CNTN6: variants seen among roughly 807,000 people sequenced by gnomAD.
The protein encoded by CNTN6 is contactin-6.
CNTN6 carries 137 observed loss-of-function variants against 122.8 expected under a neutral mutation model. The observed-to-expected ratio is 1.12, with a 90% CI of 0.97 to 1.29. The LOEUF (loss-of-function observed/expected upper bound fraction) is 1.29. Among genes scored for constraint, CNTN6 ranks in the 50% most tolerant of loss-of-function variants. CNTN6 has a pLI of 0.00. For synonymous variants in CNTN6, 570 were observed against 426.0 expected, an observed-to-expected ratio of 1.34 and a Z score of -4.16; for missense variants, 1,634 against 1,223.4, an observed-to-expected ratio of 1.34 and a Z score of -5.01.
chr3:1,275,485 T>C (rs1692172445), intron 4 of CNTN6, among the ~76,000 whole-genome samples: 1 of 152,216 alleles, frequency 6.6e-6, no homozygotes, highest in Non-Finnish European at 1.5e-5. Flanking sequence ...GTTCTCTACC[T>C]CTAAATATGG....
At position 1,372,356 on chromosome 3, in the gene CNTN6, T is replaced by G. The variant is rs1230700108; in HGVS notation, c.1550T>G (p.Ile517Arg). The G allele has an allele frequency of 4.3e-6, 7 of 1,613,474 alleles. No individual in the cohort carries two copies. The highest frequency in any genetic ancestry group is 5.9e-6 in the Non-Finnish European group (7 of 1,179,602). The change falls in exon 13 of 23, where the codon ATA (isoleucine) becomes AGA (arginine). Residue 517 changes from isoleucine (I) to arginine (R), a missense_variant. Transcript: ENST00000446702. ...SKMDVTVGES[I>R]VLPCQVSHDP... Reference sequence around the variant, plus strand: ...ATGGATGTTACAGTTGGCGAGAGTATAGTGCTACCATGCCAGGTGTCCCAT... The same window carrying G: ...ATGGATGTTACAGTTGGCGAGAGTAGAGTGCTACCATGCCAGGTGTCCCAT...
chr3:1,222,560 T>C (rs2094222093), intron 3 of CNTN6, among the ~76,000 whole-genome samples: 2 of 121,104 alleles, frequency 1.7e-5, no homozygotes, highest in Admixed American at 8.0e-5. Flanking sequence ...TAATTAGTTT[T>C]ATCTGTGAAA....
chr3:1,299,949 A>T lies in CNTN6; in HGVS notation c.761+1958A>T, dbSNP rs925332602. 2.0e-5 allele frequency among the ~76,000 whole-genome samples: 3 copies of T among 152,096 alleles called. No homozygotes were observed. In the South Asian group the frequency reaches 6.2e-4, roughly 32 times the overall value. On this transcript the variant is annotated intron_variant, in intron 7 of 22. Transcript: ENST00000446702. The stretch of plus-strand genomic sequence containing the variant: ...GCATTTATGTAATAAATGCTCACTG[A>T]ATTATTCTAAAACCAAAATCCAAAT...
In CNTN6 at chr3:1,391,926, A is replaced by G. The variant is rs528756914; in HGVS notation, c.2704+6129A>G. Among the ~76,000 whole-genome samples, 555 of 152,326 alleles carry G rather than the reference A, an allele frequency of 3.6e-3. 1 individual carries two copies. Among genetic ancestry groups the G allele is most frequent in the African/African-American group, 0.012 (516 of 41,570 alleles). On this transcript the variant is annotated intron_variant, in intron 20 of 22. Coordinates refer to ENST00000446702, the MANE Select transcript of CNTN6 (RefSeq NM_001289080.2). ...AAAGAGGATACAAACAAATGGAAGA[A>G]CATTCCATGCTCATGGGTAGGAAGA... is the stretch of plus-strand genomic sequence containing the variant.
intron 19 of CNTN6, 129 bp downstream of exon 19, chr3:1,383,537 G>C (rs181604531): frequency 1.4e-6 from 1 of 693,762 alleles, no homozygotes; most frequent in Admixed American, 2.6e-5. Context: ...CTAAAGCAGA[G>C]AATGAAGTTG....
At chr3:1,375,491 A>G (rs1240751352) in intron 16 of CNTN6, among the ~76,000 whole-genome samples, 1 of 152,126 alleles carries the variant, frequency 6.6e-6, no homozygotes, top group East Asian at 1.9e-4. Context: ...TTTAAAATTG[A>G]ATAGGGAAAG....
At chr3:1,205,506 C>T (rs981415732) in intron 2 of CNTN6, among the ~76,000 whole-genome samples, 8 of 152,112 alleles carry the variant, frequency 5.3e-5, no homozygotes, top group Admixed American at 2.0e-4. Context: ...TATTCAGTTC[C>T]ATGCTGTTGC....
chr3:1,400,939 A>T (rs928646944), intron 20 of CNTN6, among the ~76,000 whole-genome samples: 1 of 152,168 alleles, frequency 6.6e-6, no homozygotes, highest in Non-Finnish European at 1.5e-5. Flanking sequence ...TTGATAATTT[A>T]CTACAAATAT....
At chr3:1,341,508 G>A (rs911881316) in intron 11 of CNTN6, among the ~76,000 whole-genome samples, 3 of 152,072 alleles carry the variant, frequency 2.0e-5, no homozygotes, top group African/African-American at 7.2e-5. Flanking sequence ...TTTTATGGGA[G>A]TCAGCATAGC....
rs1192161191 is a variant in CNTN6 at position 1,148,065 on chromosome 3, TA to T, written c.55+5del. On this transcript the variant is annotated splice_donor_region_variant and intron_variant, in intron 2 of 22. Coordinates refer to ENST00000446702, the MANE Select transcript of CNTN6 (RefSeq NM_001289080.2). The stretch of plus-strand genomic sequence containing the variant: ...TGCCACTCATAAACTCTTCTGCAGG[TA>T]AAGTGTTCTATTATTATAAGTTTTG... 9 of 1,603,710 alleles carry T rather than the reference TA, an allele frequency of 5.6e-6. No homozygotes were observed. The highest frequency in any genetic ancestry group is 1.3e-5 in the African/African-American group (1 of 74,746).
intron 2 of CNTN6, among the ~76,000 whole-genome samples, chr3:1,184,032 T>C (rs1034498095): frequency 6.6e-6 from 1 of 152,214 alleles, no homozygotes; most frequent in Non-Finnish European, 1.5e-5. Context: ...CCTACACAGA[T>C]GCTTGCTTCA....
At chr3:1,128,942 A>G (rs2092258492) in intron 1 of CNTN6, among the ~76,000 whole-genome samples, 1 of 151,932 alleles carries the variant, frequency 6.6e-6, no homozygotes, top group African/African-American at 2.4e-5. Context: ...ATCTTCTCTA[A>G]TCTTCACTTC....
At chr3:1,099,447 T>C (rs2090760094) in intron 1 of CNTN6, among the ~76,000 whole-genome samples, 1 of 151,918 alleles carries the variant, frequency 6.6e-6, no homozygotes, top group Admixed American at 6.6e-5. Context: ...CCAGACTCTG[T>C]CTCAAAAAAT....
intron 4 of CNTN6, among the ~76,000 whole-genome samples, chr3:1,253,162 A>G (rs1276575552): frequency 6.6e-6 from 1 of 152,206 alleles, no homozygotes; most frequent in Non-Finnish European, 1.5e-5. Context: ...AGTTTTCATC[A>G]GAGGACTTGT....
chr3:1,379,409 C>T (rs155389), intron 17 of CNTN6, among the ~76,000 whole-genome samples: 1 of 151,726 alleles, frequency 6.6e-6, no homozygotes, highest in Non-Finnish European at 1.5e-5. Flanking sequence ...TAGACGCTAG[C>T]GTCTGCTAGA....
intron 4 of CNTN6, among the ~76,000 whole-genome samples, chr3:1,233,728 C>G (rs1380037344): frequency 1.1e-5 from 1 of 90,382 alleles, no homozygotes; most frequent in Non-Finnish European, 1.9e-5. Context: ...GAACGAGACT[C>G]TGTCTCAAAA....
chr3:1,268,449 T>C (rs929070211), intron 4 of CNTN6, among the ~76,000 whole-genome samples: 11 of 151,836 alleles, frequency 7.2e-5, no homozygotes, highest in African/African-American at 2.4e-4. Flanking sequence ...CTACTAAAAA[T>C]ATAAAAAATT....
In CNTN6 at chr3:1,295,668, A is replaced by G. The variant is rs1013224896; in HGVS notation, c.522A>G (p.Val174=). 6 of 1,613,942 alleles carry G rather than the reference A, an allele frequency of 3.7e-6. No homozygotes were observed. Among genetic ancestry groups the G allele is most frequent in the Non-Finnish European group, 5.1e-6 (6 of 1,179,956 alleles). Residue 174 remains valine, a synonymous_variant, in exon 6 of 23, where the codon GTA becomes GTG. Coordinates refer to ENST00000446702, the MANE Select transcript of CNTN6 (RefSeq NM_001289080.2). ...LYVQEDNRRF[V]SQETGNLYIA... ...TCCAAGAGGACAATAGGCGATTTGT[A>G]TCTCAAGAGACGGGAAACTTGTACA...
chr3:1,219,559 T>C (rs982893933), intron 2 of CNTN6, among the ~76,000 whole-genome samples: 1 of 152,178 alleles, frequency 6.6e-6, no homozygotes, highest in Non-Finnish European at 1.5e-5. Flanking sequence ...CTCCTACCAA[T>C]ACAGGGAAGA....
Sources: allele counts gnomAD v4.1 joint callset (sites outside exome capture counted in the v4.1 genomes callset), GRCh38; gene constraint gnomAD v4.1.1; transcripts MANE v1.5; gene names NCBI Gene and HGNC (gene_info 2026-07-23, HGNC 2026-07-21).